The following NUP42 variants were observed in gnomAD, a reference collection of about 807,000 sequenced individuals.
NUP42 encodes nucleoporin NUP42.
A neutral mutation model predicts 35.9 loss-of-function variants in NUP42; 47 were observed. That is an observed-to-expected ratio of 1.31 (90% CI 1.04 to 1.67). The LOEUF is 1.67. Among genes scored for constraint, NUP42 ranks in the 40% most tolerant of loss-of-function variants. NUP42 has a pLI of 0.00. For synonymous variants in NUP42, 173 were observed against 173.3 expected (o/e 1.00, Z 0.01); for missense variants, 514 against 492.2 (o/e 1.04, Z -0.42).
intron 5 of NUP42, 141 bp downstream of exon 5, chr7:23,196,907 T>TA (rs1786031617): frequency 1.5e-6 from 1 of 650,986 alleles, no homozygotes; most frequent in Non-Finnish European, 2.7e-6. Flanking sequence ...TAGCATCACT[T>TA]AAGAGTCAGG....
At chr7:23,199,262 G>A (rs947092864) in intron 5 of NUP42, among the ~76,000 whole-genome samples, 196 bp from the exon 6 acceptor site, 1 of 152,008 alleles carries the variant, frequency 6.6e-6, no homozygotes, top group Non-Finnish European at 1.5e-5. Flanking sequence ...GTGTTGCTGA[G>A]GCTGGTCCCA....
chr7:23,197,233 A>G (rs1475017261), intron 5 of NUP42: 2 of 1,296,964 alleles, frequency 1.5e-6, no homozygotes, highest in African/African-American at 3.0e-5. Context: ...CGACTGTGGC[A>G]AGTTCATTAT....
intron 3 of NUP42, among the ~76,000 whole-genome samples, chr7:23,193,675 G>C (rs1338327648): frequency 2.0e-5 from 3 of 152,214 alleles, no homozygotes; most frequent in Non-Finnish European, 4.4e-5. Context: ...TCACCCAGTG[G>C]ATTCCACACC....
At chr7:23,182,622 G>A (rs374255652) in intron 1 of NUP42, 7 of 597,048 alleles carry the variant, frequency 1.2e-5, no homozygotes, top group Non-Finnish European at 1.5e-5. Flanking sequence ...AAAACCGGCC[G>A]GGCGGTGGCT....
chr7:23,193,241 C>T (rs1785872959), intron 3 of NUP42, among the ~76,000 whole-genome samples: 1 of 152,168 alleles, frequency 6.6e-6, no homozygotes, highest in East Asian at 1.9e-4. Context: ...ACGAAGCTTC[C>T]ACAGTGTGGA....
At position 23,182,742 on chromosome 7, in the gene NUP42, C is replaced by CAAAA. The variant is rs60397960; in HGVS notation, c.121+556_121+559dup. 4.6e-3 allele frequency among the ~76,000 whole-genome samples: 344 copies of CAAAA among 74,108 alleles called. 7 individuals are homozygous for CAAAA. The highest frequency in any genetic ancestry group is 0.014 in the African/African-American group (240 of 16,962). 48.6% of individuals were successfully genotyped at this position (74,108 alleles called of 152,430 possible). A position where few individuals can be genotyped will look rare whatever the true frequency, so the allele number is the denominator to read the frequency against. On this transcript the variant is annotated intron_variant, in intron 1 of 6. Coordinates refer to ENST00000258742, the MANE Select transcript of NUP42 (RefSeq NM_007342.3). Reference sequence around the variant, plus strand: ...GAAACACCGTCTTTACTAAAAATACCAAAAAAAAAAAAAAAAAAAAAAATA... The same window carrying CAAAA: ...GAAACACCGTCTTTACTAAAAATACCAAAAAAAAAAAAAAAAAAAAAAAAAAATA...
intron 1 of NUP42, among the ~76,000 whole-genome samples, chr7:23,183,519 C>G (rs1173980457): frequency 2.6e-5 from 4 of 152,106 alleles, no homozygotes; most frequent in Non-Finnish European, 4.4e-5. Context: ...CCGCGGCGGG[C>G]CTCATCTAAC....
intron 3 of NUP42, among the ~76,000 whole-genome samples, chr7:23,190,286 A>G (rs1255778359): frequency 6.6e-6 from 1 of 152,242 alleles, no homozygotes; most frequent in Non-Finnish European, 1.5e-5. Context: ...AACATATTGC[A>G]ACAGAATGAA....
intron 5 of NUP42, 57 bp from the exon 6 acceptor site, chr7:23,199,401 A>G (rs1786128567): frequency 2.2e-6 from 3 of 1,377,306 alleles, no homozygotes; most frequent in Non-Finnish European, 3.1e-6. Context: ...TGTATAGAAA[A>G]GATACTGGAG....
chr7:23,199,736 ACTTAAG>A (rs1303186485), intron 6 of NUP42, among the ~76,000 whole-genome samples, 194 bp downstream of exon 6: 4 of 152,278 alleles, frequency 2.6e-5, no homozygotes, highest in Non-Finnish European at 5.9e-5. Flanking sequence ...TTTGAAAGAC[ACTTAAG>A]CTTTAGAAGT....
intron 3 of NUP42, among the ~76,000 whole-genome samples, chr7:23,189,007 C>T (rs551624154): frequency 2.2e-4 from 33 of 152,266 alleles, no homozygotes; most frequent in Middle Eastern, 3.4e-3. Flanking sequence ...ACCCTGAGTA[C>T]GCACCTTTTT....
At chr7:23,199,736 A>C (rs1346148952) in intron 6 of NUP42, among the ~76,000 whole-genome samples, 194 bp downstream of exon 6, 3 of 152,278 alleles carry the variant, frequency 2.0e-5, no homozygotes, top group Non-Finnish European at 4.4e-5. Flanking sequence ...TTTGAAAGAC[A>C]CTTAAGCTTT....
Position 23,182,073 on chromosome 7 carries a change from C to A in NUP42, c.-13C>A. Reference sequence around the variant, plus strand: ...GCAGACTGAAGACGCCCTCCGTCAGCGACGCCGTCGCAATGGCCATTTGTC... The same window carrying A: ...GCAGACTGAAGACGCCCTCCGTCAGAGACGCCGTCGCAATGGCCATTTGTC... On this transcript the variant is annotated 5_prime_UTR_variant, in exon 1 of 7. Transcript: ENST00000258742. 1 of 1,613,334 alleles carries A rather than the reference C, an allele frequency of 6.2e-7. No homozygotes were observed. The highest frequency in any genetic ancestry group is 8.5e-7 in the Non-Finnish European group (1 of 1,179,962).
At chr7:23,196,807 A>G (rs1359503934) in intron 5 of NUP42, 41 bp downstream of exon 5, 13 of 1,368,886 alleles carry the variant, frequency 9.5e-6, no homozygotes, top group Non-Finnish European at 1.2e-5. Flanking sequence ...TGTCTTACCT[A>G]TTGCTTTTTT....
chr7:23,187,935 T>TG, intron 3 of NUP42: 4 of 479,288 alleles, frequency 8.3e-6, no homozygotes, highest in East Asian at 4.0e-5. Context: ...GAATATTCTC[T>TG]GTCTCTCTCT....
intron 1 of NUP42, 134 bp from the exon 2 acceptor site, chr7:23,184,936 G>C: frequency 1.5e-6 from 1 of 689,320 alleles, no homozygotes; most frequent in Non-Finnish European, 2.4e-6. Flanking sequence ...AGCTTAGGAG[G>C]TTGAGGTTAC....
chr7:23,190,337 C>T (rs1466327631), intron 3 of NUP42, among the ~76,000 whole-genome samples: 4 of 152,298 alleles, frequency 2.6e-5, no homozygotes, highest in East Asian at 3.9e-4. Flanking sequence ...TTCTATTAAG[C>T]CAAACATTAA....
intron 2 of NUP42, among the ~76,000 whole-genome samples, chr7:23,186,389 A>G (rs1296205130): frequency 2.0e-5 from 3 of 152,194 alleles, no homozygotes; most frequent in Non-Finnish European, 4.4e-5. Flanking sequence ...AATTTAATAC[A>G]GTTTTCTCTG....
chr7:23,183,083 A>G lies in NUP42; in HGVS notation c.121+877A>G, dbSNP rs558271243. On this transcript the variant is annotated intron_variant, in intron 1 of 6. Coordinates refer to ENST00000258742, the MANE Select transcript of NUP42 (RefSeq NM_007342.3). ...GGAGATGCGGGGGCCACGTTGATCT[A>G]GTCCCTGGGCCTAGATCATTGTCAA... Among the ~76,000 whole-genome samples the G allele has an allele frequency of 3.3e-5, 5 of 152,262 alleles. No homozygotes were observed. In the South Asian group the frequency reaches 6.2e-4, roughly 19 times the overall value.
Sources: gnomAD v4.1 joint callset for allele counts (sites outside exome capture counted in the v4.1 genomes callset) on GRCh38, gnomAD v4.1.1 for gene constraint, MANE v1.5 for transcripts, NCBI Gene and HGNC (gene_info 2026-07-23, HGNC 2026-07-21) for gene names.